The following CADPS variants were observed in gnomAD, a reference collection of about 807,000 sequenced individuals.
The protein encoded by CADPS is calcium-dependent secretion activator 1.
In CADPS, 57 loss-of-function variants were observed where a neutral mutation model predicts 167.3. The observed-to-expected ratio is 0.34, with a 90% confidence interval of 0.28 to 0.42. The LOEUF is 0.42. CADPS is among the 20% of genes least tolerant of loss of function. CADPS has a pLI of 1.00. For synonymous variants in CADPS, 676 were observed against 635.3 expected (o/e 1.06, Z -0.96); for missense variants, 1,414 against 1,738.1 (o/e 0.81, Z 3.32).
intron 6 of CADPS, among the ~76,000 whole-genome samples, chr3:62,597,725 C>T (rs1327506951): frequency 6.6e-6 from 1 of 152,180 alleles, no homozygotes; most frequent in Non-Finnish European, 1.5e-5. Context: ...CCTGACAACC[C>T]CCATCCTATT....
At chr3:62,620,799 C>G (rs2063059252) in intron 6 of CADPS, among the ~76,000 whole-genome samples, 1 of 152,300 alleles carries the variant, frequency 6.6e-6, no homozygotes, top group Non-Finnish European at 1.5e-5. Flanking sequence ...TGGCCTCCAC[C>G]ACCTGTGACA....
In CADPS at chr3:62,874,500, T is replaced by G. The variant is rs2083290060; in HGVS notation, c.441+89A>C. On this transcript the variant is annotated intron_variant, in intron 1 of 29. Transcript: ENST00000383710. This position sits in a 1 kb window ranked among gnomAD's most constrained non-coding sequence, Gnocchi z 7.1. ...CGGTCTCCACCTCTCCTGCTCCTCC[T>G]CGCCAGCTGCGCCGCCAGCTCCCAT... is the stretch of plus-strand genomic sequence containing the variant. 1 of 1,040,818 alleles carries G rather than the reference T, an allele frequency of 9.6e-7. No individual in the cohort carries two copies. The allele number at this position is 1,040,818 out of a possible 1,614,324, so 64.5% of individuals were successfully genotyped here.
intron 7 of CADPS, among the ~76,000 whole-genome samples, chr3:62,587,751 C>A (rs1239317194): frequency 6.6e-6 from 1 of 152,172 alleles, no homozygotes; most frequent in Non-Finnish European, 1.5e-5. Context: ...ACCGGCTATG[C>A]CACAAAGACT....
At chr3:62,703,490 C>T (rs2081793094) in intron 3 of CADPS, among the ~76,000 whole-genome samples, 1 of 152,292 alleles carries the variant, frequency 6.6e-6, no homozygotes, top group African/African-American at 2.4e-5. Context: ...CGTCTGTCTA[C>T]AGTCCTCAAA....
At chr3:62,660,784 A>G (rs2073016989) in intron 4 of CADPS, among the ~76,000 whole-genome samples, 1 of 152,156 alleles carries the variant, frequency 6.6e-6, no homozygotes, top group Admixed American at 6.6e-5. Flanking sequence ...TTTATTCTTC[A>G]TGGATTTTTT....
chr3:62,677,784 T>C (rs2076556096), intron 3 of CADPS, among the ~76,000 whole-genome samples: 3 of 152,102 alleles, frequency 2.0e-5, no homozygotes. Flanking sequence ...TATTACCAGC[T>C]GGGCTAAGAT....
intron 2 of CADPS, among the ~76,000 whole-genome samples, chr3:62,760,422 G>T (rs948591572): frequency 2.0e-5 from 3 of 152,050 alleles, no homozygotes; most frequent in Non-Finnish European, 4.4e-5. Context: ...TAGAGACAGG[G>T]TCTCATTCTG....
chr3:62,693,784 T>TAAA (rs67971671), intron 3 of CADPS, among the ~76,000 whole-genome samples: 25,640 of 144,426 alleles, frequency 0.18, 2,930 homozygotes, highest in African/African-American at 0.33. Context: ...GACTCCATCT[T>TAAA]AAAAAAAAAA....
intron 27 of CADPS, among the ~76,000 whole-genome samples, chr3:62,442,109 A>T (rs2056411624): frequency 6.6e-6 from 1 of 151,988 alleles, no homozygotes; most frequent in African/African-American, 2.4e-5. Context: ...AAACAAAAAC[A>T]AACCAGAAAT....
chr3:62,860,352 G>A (rs1003546902), intron 1 of CADPS, among the ~76,000 whole-genome samples: 5 of 152,114 alleles, frequency 3.3e-5, no homozygotes, highest in African/African-American at 1.2e-4. Flanking sequence ...TCTTAAGAGA[G>A]CTATAATGAC....
chr3:62,784,068 A>G (rs1003394429), intron 1 of CADPS, among the ~76,000 whole-genome samples: 2 of 152,218 alleles, frequency 1.3e-5, no homozygotes, highest in Non-Finnish European at 2.9e-5. Context: ...CATGAAATGT[A>G]CATGATGACG....
intron 1 of CADPS, among the ~76,000 whole-genome samples, chr3:62,860,309 C>T (rs930688600): frequency 1.3e-5 from 2 of 152,192 alleles, no homozygotes; most frequent in African/African-American, 4.8e-5. Flanking sequence ...CCAGGAATAT[C>T]TGAATCTTAC....
chr3:62,491,119 C>T (rs1364585377), intron 21 of CADPS, among the ~76,000 whole-genome samples: 1 of 152,084 alleles, frequency 6.6e-6, no homozygotes, highest in African/African-American at 2.4e-5. Context: ...TTTCATGAAA[C>T]GTTTTTTCAG....
At chr3:62,816,932 C>A (rs1182186625) in intron 1 of CADPS, among the ~76,000 whole-genome samples, 1 of 152,080 alleles carries the variant, frequency 6.6e-6, no homozygotes, top group Non-Finnish European at 1.5e-5. Flanking sequence ...AATGTTCTAA[C>A]CAGAGTTGTG....
Position 62,596,130 on chromosome 3 carries a change from CACACACACACACAT to C in CADPS, c.1326-3396_1326-3383del, listed in dbSNP as rs1562649430. On this transcript the variant is annotated intron_variant, in intron 6 of 29. Coordinates refer to ENST00000383710, the MANE Select transcript of CADPS (RefSeq NM_003716.4). Reference sequence around the variant, plus strand: ...ACACACACACACACACACACACACACACACACACACACATATCCTATTAGTTTTGTCCCTCTGGA... The same window carrying C: ...ACACACACACACACACACACACACACATCCTATTAGTTTTGTCCCTCTGGA... Among the ~76,000 whole-genome samples the C allele has an allele frequency of 8.3e-5, 8 of 95,862 alleles. No individual in the cohort carries two copies. In the South Asian group the frequency reaches 2.0e-3, roughly 24 times the overall value. 62.9% of individuals were successfully genotyped at this position (95,862 alleles called of 152,430 possible).
intron 23 of CADPS, 123 bp from the exon 24 acceptor site, chr3:62,474,443 A>T: frequency 2.4e-6 from 2 of 836,056 alleles, no homozygotes; most frequent in Admixed American, 4.2e-5. Context: ...GTCAACAATG[A>T]CTTCACATGT....
chr3:62,585,026 A>T (rs2070530898), intron 8 of CADPS, among the ~76,000 whole-genome samples, 159 bp downstream of exon 8: 1 of 152,260 alleles, frequency 6.6e-6, no homozygotes, highest in African/African-American at 2.4e-5. Flanking sequence ...CTAAGAATTG[A>T]GGAAGTTTAC....
At chr3:62,645,235 A>C (rs184276883) in intron 6 of CADPS, among the ~76,000 whole-genome samples, 1 of 152,102 alleles carries the variant, frequency 6.6e-6, no homozygotes, top group Non-Finnish European at 1.5e-5. Flanking sequence ...AACAGACTAC[A>C]AACTGGGTTC....
intron 24 of CADPS, among the ~76,000 whole-genome samples, chr3:62,469,045 A>T (rs2060267416): frequency 6.6e-6 from 1 of 152,230 alleles, no homozygotes; most frequent in Admixed American, 6.5e-5. Context: ...GTGTATATAC[A>T]TTTCTCTAAA....
Sources: gnomAD v4.1 joint callset for allele counts (sites outside exome capture counted in the v4.1 genomes callset) on GRCh38, gnomAD v4.1.1 for gene constraint, Gnocchi (gnomAD v3.1) non-coding constraint, MANE v1.5 for transcripts, NCBI Gene and HGNC (gene_info 2026-07-23, HGNC 2026-07-21) for gene names.